Variants in KCNH8 observed in about 807,000 individuals in gnomAD.
KCNH8 encodes voltage-gated delayed rectifier potassium channel KCNH8.
KCNH8 carries 70 observed loss-of-function variants against 103.6 expected under a neutral mutation model. The ratio of observed to expected loss-of-function variants is 0.68; its 90% CI spans 0.56 to 0.82. KCNH8 has a LOEUF of 0.82. KCNH8 is among the 40% of genes least tolerant of loss of function. The pLI, the probability that KCNH8 is intolerant of heterozygous loss-of-function variation, is 0.00. For missense variants in KCNH8, 1,217 were observed against 1,329.9 expected, an observed-to-expected ratio of 0.92 and a Z score of 1.32; for synonymous variants, 498 against 489.4, an observed-to-expected ratio of 1.02 and a Z score of -0.23.
At chr3:19,411,812 C>G (rs2066784804) in intron 7 of KCNH8, among the ~76,000 whole-genome samples, 1 of 151,110 alleles carries the variant, frequency 6.6e-6, no homozygotes, top group Non-Finnish European at 1.5e-5. Context: ...ACGAATACAT[C>G]AAACCAAGGA....
intron 3 of KCNH8, among the ~76,000 whole-genome samples, chr3:19,318,082 A>G (rs537236610): frequency 7.5e-4 from 114 of 151,970 alleles, no homozygotes; most frequent in Non-Finnish European, 1.2e-3. Context: ...AATTTCCATC[A>G]TATCAACCCC....
At chr3:19,310,954 C>T (rs2065199949) in intron 3 of KCNH8, among the ~76,000 whole-genome samples, 1 of 151,752 alleles carries the variant, frequency 6.6e-6, no homozygotes, top group Admixed American at 6.6e-5. Flanking sequence ...CTCTTCACTC[C>T]ATCAGATTGA....
At chr3:19,212,405 AG>A (rs2063779906) in intron 1 of KCNH8, among the ~76,000 whole-genome samples, 1 of 152,194 alleles carries the variant, frequency 6.6e-6, no homozygotes, top group Non-Finnish European at 1.5e-5. Context: ...TATCTGTGTG[AG>A]CCCCACTTTC....
intron 2 of KCNH8, among the ~76,000 whole-genome samples, chr3:19,278,913 C>T (rs1219522546): frequency 6.6e-6 from 1 of 152,030 alleles, no homozygotes; most frequent in Non-Finnish European, 1.5e-5. Context: ...TGGCTCTTTC[C>T]AAAATATATT....
chr3:19,183,274 A>G (rs976052460), intron 1 of KCNH8, among the ~76,000 whole-genome samples: 1 of 152,316 alleles, frequency 6.6e-6, no homozygotes, highest in South Asian at 2.1e-4. Flanking sequence ...CTATGTAGAA[A>G]GCCCTGGAGA....
At chr3:19,458,812 G>A (rs1049187457) in intron 11 of KCNH8, among the ~76,000 whole-genome samples, 15 of 151,796 alleles carry the variant, frequency 9.9e-5, no homozygotes, top group Admixed American at 6.6e-5. Context: ...TGAGTTCAAG[G>A]TATTTTAGAT....
chr3:19,173,240 C>T (rs905909810), intron 1 of KCNH8, among the ~76,000 whole-genome samples: 16 of 151,930 alleles, frequency 1.1e-4, no homozygotes, highest in African/African-American at 3.4e-4. Flanking sequence ...GGGCTTAGGT[C>T]TGTGAGACAG....
At chr3:19,481,983 G>A (rs1575120207) in intron 11 of KCNH8, among the ~76,000 whole-genome samples, 1 of 152,270 alleles carries the variant, frequency 6.6e-6, no homozygotes, top group South Asian at 2.1e-4. Context: ...ATTCACCTGG[G>A]AGCATCGGCA....
intron 6 of KCNH8, chr3:19,391,877 C>T (rs1391497185): frequency 6.6e-6 from 1 of 151,808 alleles, no homozygotes; most frequent in Non-Finnish European, 1.5e-5. Context: ...TGGCTTAAAA[C>T]CATGTTTTTG....
Position 19,308,650 on chromosome 3 carries a change from GTCTCTCTCTCTCTCTC to G in KCNH8, c.442+27374_442+27389del, listed in dbSNP as rs1163604706. ...ATGAAAAGACCCTGTGAATGTTGGG[GTCTCTCTCTCTCTCTC>G]TCTCTCTCTCTCTCTCTCTCTCTCT... On this transcript the variant is annotated intron_variant, in intron 3 of 15. Coordinates refer to ENST00000328405, the MANE Select transcript of KCNH8 (RefSeq NM_144633.3). 2.7e-3 allele frequency among the ~76,000 whole-genome samples: 141 copies of G among 51,354 alleles called. 3 individuals carry two copies. The highest frequency in any genetic ancestry group is 3.5e-3 in the Non-Finnish European group (97 of 27,598). The allele number at this position is 51,354 out of a possible 152,430, so 33.7% of individuals were successfully genotyped here.
At chr3:19,169,977 C>T (rs559856711) in intron 1 of KCNH8, among the ~76,000 whole-genome samples, 2 of 152,258 alleles carry the variant, frequency 1.3e-5, no homozygotes, top group African/African-American at 4.8e-5. Flanking sequence ...TTATTTTTCA[C>T]AAATACCAAC....
chr3:19,351,831 ACAAG>A (rs1180485917), intron 5 of KCNH8, among the ~76,000 whole-genome samples: 1 of 152,184 alleles, frequency 6.6e-6, no homozygotes, highest in African/African-American at 2.4e-5. Flanking sequence ...GCGTCAACTA[ACAAG>A]CAAAATAACC....
At chr3:19,252,177 T>C (rs1325998487) in intron 1 of KCNH8, among the ~76,000 whole-genome samples, 1 of 152,094 alleles carries the variant, frequency 6.6e-6, no homozygotes, top group African/African-American at 2.4e-5. Context: ...AACATGCATC[T>C]TTTTTCTCTC....
intron 3 of KCNH8, among the ~76,000 whole-genome samples, chr3:19,337,513 T>TC (rs1207090495): frequency 6.6e-6 from 1 of 152,064 alleles, no homozygotes; most frequent in African/African-American, 2.4e-5. Context: ...TCATTTACCT[T>TC]CATTGACCTG....
At chr3:19,532,718 G>A (rs2069184352) in intron 15 of KCNH8, among the ~76,000 whole-genome samples, 1 of 152,180 alleles carries the variant, frequency 6.6e-6, no homozygotes. Context: ...CAGTACTTTA[G>A]AGATGATGGA....
chr3:19,492,298 A>G (rs575934513), intron 11 of KCNH8, among the ~76,000 whole-genome samples: 1 of 152,172 alleles, frequency 6.6e-6, no homozygotes, highest in Non-Finnish European at 1.5e-5. Flanking sequence ...TAAGATATTT[A>G]TAATTTTAGG....
chr3:19,428,508 A>T (rs960361420), intron 7 of KCNH8, among the ~76,000 whole-genome samples: 1 of 152,240 alleles, frequency 6.6e-6, no homozygotes, highest in Non-Finnish European at 1.5e-5. Context: ...CATAATTTTC[A>T]GTAAAACAGA....
At position 19,504,051 on chromosome 3, in the gene KCNH8, A is replaced by G. The variant is rs143139648; in HGVS notation, c.2041-6312A>G. Among the ~76,000 whole-genome samples the G allele has an allele frequency of 1.8e-4, 28 of 152,278 alleles. 1 individual carries two copies. The East Asian group carries it at 5.0e-3, about 27-fold the overall frequency. ...GAAATAAGGCCACACATCTACAACC[A>G]TCTGATCTTCAACAAAGCTGACAAA... On this transcript the variant is annotated intron_variant, in intron 11 of 15. Transcript: ENST00000328405.
At chr3:19,530,477 A>G (rs907133664) in intron 15 of KCNH8, among the ~76,000 whole-genome samples, 1 of 152,184 alleles carries the variant, frequency 6.6e-6, no homozygotes, top group African/African-American at 2.4e-5. Context: ...TATTTCAATC[A>G]TGGAAAAATA....
Sources: gnomAD v4.1 joint callset for allele counts (sites outside exome capture counted in the v4.1 genomes callset) on GRCh38, gnomAD v4.1.1 for gene constraint, MANE v1.5 for transcripts, NCBI Gene and HGNC (gene_info 2026-07-23, HGNC 2026-07-21) for gene names.